Variants in ADAMTS1 observed in about 807,000 individuals in gnomAD.
The protein encoded by ADAMTS1 is ADAM metallopeptidase with thrombospondin type 1 motif 1, also known as A disintegrin and metalloproteinase with thrombospondin motifs 1.
Under a neutral mutation model 87.9 loss-of-function variants are expected in ADAMTS1, and 19 were observed. That is an observed-to-expected ratio of 0.22 (90% CI 0.15 to 0.32). ADAMTS1 has a LOEUF of 0.32. Among genes scored for constraint, ADAMTS1 ranks in the 10% least tolerant of loss-of-function variants. The probability of loss-of-function intolerance (pLI) is 1.00; values close to 1 mark genes in which losing one functional copy is unlikely to be tolerated. For missense variants in ADAMTS1, 1,240 were observed against 1,259.1 expected (o/e 0.98, Z 0.23); for synonymous variants, 542 against 501.8 (o/e 1.08, Z -1.07).
intron 1 of ADAMTS1, among the ~76,000 whole-genome samples, chr21:26,843,219 C>T (rs1369107449): frequency 6.6e-6 from 1 of 152,196 alleles, no homozygotes; most frequent in East Asian, 1.9e-4. Context: ...ATTCCGGGCA[C>T]AAGGACCACC....
Position 26,836,377 on chromosome 21 carries a change from T to G in ADAMTS1, c.*1202A>C, listed in dbSNP as rs1985364414. The G allele has an allele frequency of 6.6e-6, 1 of 152,582 alleles. No homozygotes were observed. Among genetic ancestry groups the G allele is most frequent in the African/African-American group, 2.4e-5 (1 of 41,452 alleles). The allele number at this position is 152,582 out of a possible 1,614,324, so 9.5% of individuals were successfully genotyped here. On this transcript the variant is annotated 3_prime_UTR_variant, in exon 9 of 9. Transcript: ENST00000284984. ...CCACAAAAGCGATATAATTTAAAAG[T>G]TTTTTTCATTAGAAATAAATGTATA...
At position 26,838,588 on chromosome 21, in the gene ADAMTS1, T is replaced by G; in HGVS notation, c.2055A>C (p.Pro685=). 6.2e-7 allele frequency: 1 copy of G among 1,614,134 alleles called. No individual in the cohort carries two copies. Residue 685 remains proline, a synonymous_variant, in exon 8 of 9, where the codon CCA becomes CCC. Coordinates refer to ENST00000284984, the MANE Select transcript of ADAMTS1 (RefSeq NM_006988.5). ...CTTGCACACAGACAGAGGTGGAATCTGGGCTACATGGAGTACCATCTACAA... is the reference window on the plus strand; with the variant it reads ...CTTGCACACAGACAGAGGTGGAATCGGGGCTACATGGAGTACCATCTACAA... ...PKVVDGTPCS[P]DSTSVCVQGQ...
Position 26,837,421 on chromosome 21 carries a change from A to C in ADAMTS1, c.*158T>G. On this transcript the variant is annotated 3_prime_UTR_variant, in exon 9 of 9. Coordinates refer to ENST00000284984, the MANE Select transcript of ADAMTS1 (RefSeq NM_006988.5). ...TTGCAACTGGCAGTTTACTCTGATG[A>C]TTCAACTCCTTTTCTATCTACCCCC... 3.1e-6 allele frequency: 2 copies of C among 642,434 alleles called. No homozygotes were observed. The allele number at this position is 642,434 out of a possible 1,614,324, so 39.8% of individuals were successfully genotyped here.
chr21:26,843,404 G>T (rs902723709), intron 1 of ADAMTS1: 14 of 454,250 alleles, frequency 3.1e-5, no homozygotes, highest in Middle Eastern at 3.3e-4. Flanking sequence ...AGAGGAGCAG[G>T]GGAAAAGGGG....
In ADAMTS1 at chr21:26,837,556, A is replaced by G; in HGVS notation, c.*23T>C. The G allele has an allele frequency of 6.2e-7, 1 of 1,607,446 alleles. No homozygotes were observed. Among genetic ancestry groups the G allele is most frequent in the Non-Finnish European group, 8.5e-7 (1 of 1,175,350 alleles). ...CCCTTCCTCACTTTGCCTTGCCCTC[A>G]AAGCTAACACCACTTAAACCACTTA... On this transcript the variant is annotated 3_prime_UTR_variant, in exon 9 of 9. Coordinates refer to ENST00000284984, the MANE Select transcript of ADAMTS1 (RefSeq NM_006988.5).
rs112151588 is a variant in ADAMTS1 at position 26,837,448 on chromosome 21, T to A, written c.*131A>T. On this transcript the variant is annotated 3_prime_UTR_variant, in exon 9 of 9. Transcript: ENST00000284984. ...TCAACTCCTTTTCTATCTACCCCCA[T>A]AATCCCACCTTACTGATACACCTCA... 4.6e-5 allele frequency: 35 copies of A among 756,992 alleles called. 2 individuals carry two copies. The highest frequency in any genetic ancestry group is 3.4e-4 in the African/African-American group (19 of 56,704). The allele number at this position is 756,992 out of a possible 1,614,324, so 46.9% of individuals were successfully genotyped here.
intron 1 of ADAMTS1, chr21:26,843,665 G>GC: frequency 2.1e-6 from 1 of 469,798 alleles, no homozygotes; most frequent in East Asian, 6.7e-5. Context: ...CCTTCAGCCC[G>GC]CCTGGGTCAG....
intron 7 of ADAMTS1, chr21:26,838,843 T>G: frequency 2.3e-6 from 1 of 435,666 alleles, no homozygotes; most frequent in Middle Eastern, 6.3e-4. Context: ...TCTATTGACC[T>G]ATGTCTCCTC....
chr21:26,840,441 G>A lies in ADAMTS1; in HGVS notation c.1500C>T (p.Pro500=), dbSNP rs436525. The A allele has an allele frequency of 0.65, 1,056,429 of 1,613,612 alleles. 350,159 individuals are homozygous for A. Among genetic ancestry groups the A allele is most frequent in the Non-Finnish European group, 0.68 (799,607 of 1,179,764 alleles). The change falls in exon 5 of 9, where the codon CCC becomes CCT. Residue 500 remains proline (P), a synonymous_variant. Transcript: ENST00000284984. ...AGGTGCTACATGTGCTGGCTGCATC[G>A]GGGCAGTGTTTGGAGTCCTCCCCAA... ...FTFGEDSKHC[P]DAASTCSTLW... is the part of the protein sequence containing the mutation.
chr21:26,841,769 C>T lies in ADAMTS1; in HGVS notation c.1210+89G>A, dbSNP rs953177763. ...TAAGATGCACTAGGACCTAAAATAG[C>T]AATATAACCTACAGACTCTCCTTCT... On this transcript the variant is annotated intron_variant, in intron 3 of 8. Coordinates refer to ENST00000284984, the MANE Select transcript of ADAMTS1 (RefSeq NM_006988.5). The T allele has an allele frequency of 6.5e-5, 92 of 1,425,638 alleles. No homozygotes were observed. The African/African-American group carries it at 1.2e-3, about 19-fold the overall frequency. 88.3% of individuals were successfully genotyped at this position (1,425,638 alleles called of 1,614,324 possible).
rs373608594 is a variant in ADAMTS1, at chr21:26,840,059, C to T, written c.1668G>A (p.Thr556=). 17 of 1,612,036 alleles carry T rather than the reference C, an allele frequency of 1.1e-5. No individual in the cohort carries two copies. The highest frequency in any genetic ancestry group is 4.5e-5 in the East Asian group (2 of 44,858). ...VNKTDRKHFD[T]PFHGSWGMWG... is the part of the protein sequence containing the mutation. Reference sequence around the variant, plus strand: ...ACATTCCCCAGCTTCCATGAAAAGGCGTCTAAATGGAGACATAAATCATCA... The same window carrying T: ...ACATTCCCCAGCTTCCATGAAAAGGTGTCTAAATGGAGACATAAATCATCA... The change falls in exon 6 of 9, where the codon ACG becomes ACA. Residue 556 remains threonine, a splice_region_variant and synonymous_variant. Transcript: ENST00000284984.
At position 26,844,477 on chromosome 21, in the gene ADAMTS1, G is replaced by C. The variant is rs1235717011; in HGVS notation, c.478C>G (p.Pro160Ala). 6.3e-7 allele frequency: 1 copy of C among 1,587,930 alleles called. No homozygotes were observed. Among genetic ancestry groups the C allele is most frequent in the African/African-American group, 1.3e-5 (1 of 74,400 alleles). ...YLLGEAYFIQ[P>A]LPAASERLAT... Reference sequence around the variant, plus strand: ...AGGCGCTCGCTGGCGGCGGGCAGCGGCTGGATGAAATACGCCTCCCCCAGC... The same window carrying C: ...AGGCGCTCGCTGGCGGCGGGCAGCGCCTGGATGAAATACGCCTCCCCCAGC... Residue 160 changes from proline (P) to alanine (A), a missense_variant, in exon 1 of 9, where the codon CCG (proline) becomes GCG (alanine). Transcript: ENST00000284984.
chr21:26,842,796 C>A, intron 1 of ADAMTS1, 111 bp from the exon 2 acceptor site: 2 of 799,194 alleles, frequency 2.5e-6, no homozygotes, highest in Non-Finnish European at 3.9e-6. Flanking sequence ...CAAAAATATA[C>A]CCAGAACAAC....
intron 1 of ADAMTS1, among the ~76,000 whole-genome samples, chr21:26,843,296 ATGAT>A (rs1400328607): frequency 1.3e-5 from 2 of 152,226 alleles, no homozygotes; most frequent in African/African-American, 4.8e-5. Context: ...GCTTCCAGGC[ATGAT>A]TGATTATTTG....
intron 4 of ADAMTS1, 85 bp downstream of exon 4, chr21:26,840,912 AG>A: frequency 6.9e-7 from 1 of 1,450,154 alleles, no homozygotes; most frequent in Non-Finnish European, 9.4e-7. Flanking sequence ...GAAAATAAAA[AG>A]AACAAAAAGG....
At chr21:26,843,169 G>C (rs1985531388) in intron 1 of ADAMTS1, among the ~76,000 whole-genome samples, 1 of 152,220 alleles carries the variant, frequency 6.6e-6, no homozygotes, top group South Asian at 2.1e-4. Context: ...CAGCTCTGCT[G>C]TCTCATTCCA....
At position 26,839,346 on chromosome 21, in the gene ADAMTS1, T is replaced by C. The variant is rs146288477; in HGVS notation, c.2028+241A>G. On this transcript the variant is annotated intron_variant, in intron 7 of 8. Transcript: ENST00000284984. ...ACTGTCCAAAAAGCTTTTCTTTGCATATAAAAGAGTAATAGCGAGCAATTG... is the reference window on the plus strand; with the variant it reads ...ACTGTCCAAAAAGCTTTTCTTTGCACATAAAAGAGTAATAGCGAGCAATTG... 4.0e-4 allele frequency: 153 copies of C among 380,576 alleles called. 1 individual carries two copies. The highest frequency in any genetic ancestry group is 2.6e-3 in the African/African-American group (127 of 48,586). The allele number at this position is 380,576 out of a possible 1,614,324, so 23.6% of individuals were successfully genotyped here.
At chr21:26,839,526 T>C in intron 7 of ADAMTS1, 61 bp downstream of exon 7, 1 of 1,409,538 alleles carries the variant, frequency 7.1e-7, no homozygotes, top group Non-Finnish European at 9.4e-7. Flanking sequence ...CAAAAATTGT[T>C]TGAAAAGGTA....
chr21:26,840,951 C>T lies in ADAMTS1; in HGVS notation c.1378+47G>A, dbSNP rs770338043. On this transcript the variant is annotated intron_variant, in intron 4 of 8. Transcript: ENST00000284984. Reference sequence around the variant, plus strand: ...AGAGTTCATTTAACTAAACTTTATGCGTGAAAGGTTGGATGCCATCTAGAG... The same window carrying T: ...AGAGTTCATTTAACTAAACTTTATGTGTGAAAGGTTGGATGCCATCTAGAG... 8 of 1,566,364 alleles carry T rather than the reference C, an allele frequency of 5.1e-6. No individual in the cohort carries two copies. In the East Asian group the frequency reaches 6.8e-5, roughly 13 times the overall value.
Sources: gnomAD v4.1 joint callset for allele counts (sites outside exome capture counted in the v4.1 genomes callset) on GRCh38, gnomAD v4.1.1 for gene constraint, MANE v1.5 for transcripts, NCBI Gene and HGNC (gene_info 2026-07-23, HGNC 2026-07-21) for gene names.